DNAH17: variants seen among roughly 807,000 people sequenced by gnomAD.
The protein encoded by DNAH17 is dynein axonemal heavy chain 17, also known as axonemal beta dynein heavy chain 17.
In DNAH17, 376 loss-of-function variants were observed where a neutral mutation model predicts 485.6. That is an observed-to-expected ratio of 0.77 (90% CI 0.71 to 0.84). The LOEUF (loss-of-function observed/expected upper bound fraction) is 0.84, where lower values mean the gene tolerates loss of function less well. DNAH17 is among the 40% of genes least tolerant of loss of function. The probability of loss-of-function intolerance (pLI) is 0.00; values close to 1 mark genes in which losing one functional copy is unlikely to be tolerated. For missense variants in DNAH17, 6,370 were observed against 5,839.3 expected (o/e 1.09, Z -2.96); for synonymous variants, 3,031 against 2,405.9 (o/e 1.26, Z -7.60).
At chr17:78,504,862 G>T (rs988787160) in intron 31 of DNAH17, among the ~76,000 whole-genome samples, 4 of 139,124 alleles carry the variant, frequency 2.9e-5, no homozygotes, top group African/African-American at 5.3e-5. Context: ...TTTGGCAAAA[G>T]CCATGGAAAG....
At chr17:78,523,680 T>G (rs2090991410) in intron 25 of DNAH17, among the ~76,000 whole-genome samples, 1 of 152,238 alleles carries the variant, frequency 6.6e-6, no homozygotes, top group Admixed American at 6.5e-5. Context: ...CTGAGACGGA[T>G]GGATCGCTTG....
chr17:78,498,919 A>G (rs2090171685), intron 37 of DNAH17, 89 bp downstream of exon 37: 1 of 1,005,508 alleles, frequency 9.9e-7, no homozygotes, highest in Non-Finnish European at 1.4e-6. Flanking sequence ...CAGAGAGGCA[A>G]GGAGGGTCTA....
chr17:78,568,260 C>T (rs975615894), intron 9 of DNAH17, among the ~76,000 whole-genome samples: 2 of 152,138 alleles, frequency 1.3e-5, no homozygotes, highest in African/African-American at 4.8e-5. Context: ...TCCACATTCT[C>T]GGTCTGGGAG....
At chr17:78,449,657 CT>C in intron 68 of DNAH17, 73 bp from the exon 69 acceptor site, 1 of 1,303,528 alleles carries the variant, frequency 7.7e-7, no homozygotes, top group Non-Finnish European at 1.1e-6. Context: ...CCACCACTCC[CT>C]GCCACCTGTG....
intron 43 of DNAH17, 69 bp downstream of exon 43, chr17:78,491,374 G>A (rs1321678385): frequency 1.2e-5 from 18 of 1,563,812 alleles, no homozygotes; most frequent in East Asian, 7.0e-5. Flanking sequence ...CTCCGTAGGC[G>A]CCTCCCTGTG....
At position 78,454,500 on chromosome 17, in the gene DNAH17, T is replaced by C. The variant is rs539615124; in HGVS notation, c.10376A>G (p.Glu3459Gly). 2.5e-6 allele frequency: 4 copies of C among 1,613,366 alleles called. No homozygotes were observed. In the South Asian group the frequency reaches 4.4e-5, roughly 18 times the overall value. The change falls in exon 64 of 81, where the codon GAA (glutamate) becomes GGA (glycine). Residue 3459 changes from glutamate (E) to glycine (G), a missense_variant. Coordinates refer to ENST00000389840, the MANE Select transcript of DNAH17 (RefSeq NM_173628.4). ...IKWIKNKYRS[E>G]LKAIRLGQKS... is the part of the protein sequence containing the mutation. ...CTGTCCCAGGCGGATGGCTTTCAGT[T>C]CACTCCTGTATTTGTTTTTGATCCA...
chr17:78,438,429 A>AGGAGGAGGAGGAGGAGGAG (rs1568050656), intron 73 of DNAH17, among the ~76,000 whole-genome samples: 6 of 4,976 alleles, frequency 1.2e-3, no homozygotes, highest in African/African-American at 3.6e-3. Flanking sequence ...GAGGAGAAGG[A>AGGAGGAGGAGGAGGAGGAG]GGAGGAGGAG....
intron 74 of DNAH17, among the ~76,000 whole-genome samples, chr17:78,435,715 C>T (rs750605124): frequency 6.6e-6 from 1 of 152,192 alleles, no homozygotes; most frequent in South Asian, 2.1e-4. Context: ...TGGATTTCTG[C>T]GCTGATCTCA....
At chr17:78,458,476 C>CCCT in intron 62 of DNAH17, 89 bp downstream of exon 62, 1 of 1,132,518 alleles carries the variant, frequency 8.8e-7, no homozygotes, top group Non-Finnish European at 1.3e-6. Context: ...CACCTGGGCT[C>CCCT]CCTCCTCTTC....
At chr17:78,562,108 A>G in intron 11 of DNAH17, 128 bp from the exon 12 acceptor site, 2 of 1,141,882 alleles carry the variant, frequency 1.8e-6, no homozygotes, top group Non-Finnish European at 1.2e-6. Flanking sequence ...AAAACAAAAC[A>G]ATCCACTGGA....
chr17:78,433,605 G>C (rs1201622053), intron 75 of DNAH17, among the ~76,000 whole-genome samples: 1 of 152,158 alleles, frequency 6.6e-6, no homozygotes, highest in African/African-American at 2.4e-5. Context: ...GACACTGACA[G>C]AGCCGTGGTG....
At chr17:78,472,586 C>T (rs2088813819) in intron 54 of DNAH17, 3 of 352,908 alleles carry the variant, frequency 8.5e-6, no homozygotes, top group Non-Finnish European at 5.8e-6. Context: ...GTGAAGGTTT[C>T]ACAGAAATAA....
chr17:78,558,074 C>T (rs1472960204), intron 14 of DNAH17, 34 bp downstream of exon 14: 1 of 1,577,630 alleles, frequency 6.3e-7, no homozygotes, highest in South Asian at 1.2e-5. Flanking sequence ...CAATACAAAG[C>T]TGCATCAGGA....
chr17:78,538,308 T>G (rs1315428381), intron 18 of DNAH17, among the ~76,000 whole-genome samples: 2 of 152,162 alleles, frequency 1.3e-5, no homozygotes, highest in African/African-American at 2.4e-5. Flanking sequence ...TGGAGGCCCC[T>G]GTGAGGCTGC....
At chr17:78,471,785 C>T (rs2088764101) in intron 54 of DNAH17, among the ~76,000 whole-genome samples, 1 of 152,164 alleles carries the variant, frequency 6.6e-6, no homozygotes, top group Non-Finnish European at 1.5e-5. Context: ...ACCTTCCCCG[C>T]TCACTCTCTG....
chr17:78,565,047 A>AAT lies in DNAH17; in HGVS notation c.1569+1565_1569+1566dup, dbSNP rs1208277413. 3.3e-5 allele frequency among the ~76,000 whole-genome samples: 5 copies of AAT among 152,304 alleles called. No homozygotes were observed. In the East Asian group the frequency reaches 9.7e-4, roughly 29 times the overall value. On this transcript the variant is annotated intron_variant, in intron 11 of 80. Transcript: ENST00000389840. ...ATTACCCTAACCTGCTTCCAGCTAG[A>AAT]ATCTTGAAGTTGGTTTAGCTAGAAT...
chr17:78,438,957 G>T, intron 73 of DNAH17, 133 bp downstream of exon 73: 1 of 1,325,634 alleles, frequency 7.5e-7, no homozygotes, highest in Non-Finnish European at 1.0e-6. Context: ...TCCTCCTTCA[G>T]TGGTGTTAGG....
chr17:78,478,829 GACCATCACCATTACC>G (rs1421133619), intron 51 of DNAH17, 181 bp downstream of exon 51: 1 of 538,452 alleles, frequency 1.9e-6, no homozygotes, highest in Non-Finnish European at 3.3e-6. Context: ...CCATCATCAC[GACCATCACCATTACC>G]ACCATCACTA....
chr17:78,450,493 C>G, intron 67 of DNAH17, 99 bp from the exon 68 acceptor site: 2 of 1,508,012 alleles, frequency 1.3e-6, no homozygotes, highest in Non-Finnish European at 1.8e-6. Context: ...CCTGGGAAGC[C>G]ACCCAAGGGC....
Sources: allele counts gnomAD v4.1 joint callset (sites outside exome capture counted in the v4.1 genomes callset), GRCh38; gene constraint gnomAD v4.1.1; transcripts MANE v1.5; gene names NCBI Gene and HGNC (gene_info 2026-07-23, HGNC 2026-07-21).